The following MYH4 variants were observed in gnomAD, a reference collection of about 807,000 sequenced individuals.
MYH4 encodes the protein myosin-4.
Under a neutral mutation model 229.9 loss-of-function variants are expected in MYH4, and 200 were observed. That is an observed-to-expected ratio of 0.87 (90% confidence interval 0.78 to 0.98). MYH4 has a LOEUF of 0.98. Among genes scored for constraint, MYH4 ranks in the 50% least tolerant of loss-of-function variants. The pLI is 0.00. For synonymous variants in MYH4, 761 were observed against 834.6 expected (o/e 0.91, Z 1.52); for missense variants, 2,148 against 2,332.6 (o/e 0.92, Z 1.63).
rs1248808697 is a variant in MYH4 at position 10,452,460 on chromosome 17, G to A, written c.3304C>T (p.Gln1102Ter). ...SNLQGKIEDEQALAIQLQKKI... is the reference protein window; with the variant it reads ...SNLQGKIEDE ...TTTTGTAGCTGTATTGCAAGGGCTT[G>A]TTCATCTTCAATCTTGCCTTGCAGA... The change falls in exon 26 of 40, where the codon CAA becomes TAA. Residue 1102 changes from glutamine to a stop codon, truncating the protein, a stop_gained. Coordinates refer to ENST00000255381, the MANE Select transcript of MYH4 (RefSeq NM_017533.2). LOFTEE classifies it high-confidence loss of function. 5 of 1,614,112 alleles carry A rather than the reference G, an allele frequency of 3.1e-6. No individual in the cohort carries two copies. The highest frequency in any genetic ancestry group is 4.2e-6 in the Non-Finnish European group (5 of 1,180,014).
At position 10,443,330 on chromosome 17, in the gene MYH4, C is replaced by T. The variant is rs376895257; in HGVS notation, c.*45G>A. 5.0e-6 allele frequency: 8 copies of T among 1,597,800 alleles called. No homozygotes were observed. Among genetic ancestry groups the T allele is most frequent in the Non-Finnish European group, 4.3e-6 (5 of 1,167,968 alleles). On this transcript the variant is annotated 3_prime_UTR_variant, in exon 40 of 40. Coordinates refer to ENST00000255381, the MANE Select transcript of MYH4 (RefSeq NM_017533.2). The surrounding 1 kb of genome is among the most constrained non-coding windows in gnomAD (Gnocchi z 4.6). ...TACAGGACAGTGACAAAGAACTTCA[C>T]ATTTCGTGCATTTCTTTGGTCACAT...
intron 27 of MYH4, 85 bp from the exon 28 acceptor site, chr17:10,451,537 A>G (rs2072573620): frequency 7.1e-7 from 1 of 1,416,814 alleles, no homozygotes; most frequent in African/African-American, 1.4e-5. Context: ...TACCTGTGGA[A>G]AGGGGCTGAT....
At position 10,454,129 on chromosome 17, in the gene MYH4, T is replaced by C. The variant is rs528789811; in HGVS notation, c.2692-244A>G. ...AGGAAAACTAGCCCTTTGGCAAAAA[T>C]CTGCCACTTTACTAACCTTTGCAAC... On this transcript the variant is annotated intron_variant, in intron 22 of 39. Transcript: ENST00000255381. Among the ~76,000 whole-genome samples the C allele has an allele frequency of 5.9e-5, 9 of 152,374 alleles. No homozygotes were observed. In the South Asian group the frequency reaches 1.7e-3, roughly 28 times the overall value.
rs368302730 is a variant in MYH4, at chr17:10,445,389, G to GAAGCA, written c.5170-32_5170-28dup. The GAAGCA allele has an allele frequency of 3.9e-6, 6 of 1,526,238 alleles. No homozygotes were observed. In the Admixed American group the frequency reaches 6.0e-5, roughly 15 times the overall value. The allele number at this position is 1,526,238 out of a possible 1,614,324, so 94.5% of individuals were successfully genotyped here. ...TGTTTCAAATTAATGAAAGAGAAGAGAAGCACATTTACTTATAACAACTCA... is the reference window on the plus strand; with the variant it reads ...TGTTTCAAATTAATGAAAGAGAAGAGAAGCAAAGCACATTTACTTATAACAACTCA... On this transcript the variant is annotated intron_variant, in intron 35 of 39. Transcript: ENST00000255381.
At chr17:10,465,665 A>C (rs1309329182) in intron 4 of MYH4, 67 bp from the exon 5 acceptor site, 1 of 1,594,010 alleles carries the variant, frequency 6.3e-7, no homozygotes, top group African/African-American at 1.3e-5. Flanking sequence ...AATACTGTTT[A>C]AGGGCAAGTA....
chr17:10,447,741 C>T (rs1417868333), intron 34 of MYH4, 77 bp downstream of exon 34: 1 of 1,364,874 alleles, frequency 7.3e-7, no homozygotes, highest in African/African-American at 1.5e-5. Flanking sequence ...GACACATAGT[C>T]CTCGTAAAAC....
Position 10,453,257 on chromosome 17 carries a change from A to C in MYH4, c.3006T>G (p.Ala1002=). ...GGGTCTGCTGGTGGGCCTCCTGGAG[A>C]GCCTTCTTCTCCTTGGTCAGCTTAG... ...TIAKLTKEKK[A]LQEAHQQTLD... The change falls in exon 24 of 40, where the codon GCT becomes GCG. Residue 1002 remains alanine (A), a synonymous_variant. Coordinates refer to ENST00000255381, the MANE Select transcript of MYH4 (RefSeq NM_017533.2). 6.2e-7 allele frequency: 1 copy of C among 1,613,896 alleles called. No individual in the cohort carries two copies. Among genetic ancestry groups the C allele is most frequent in the Non-Finnish European group, 8.5e-7 (1 of 1,179,988 alleles).
At chr17:10,455,402 C>T (rs1215725293) in intron 19 of MYH4, 107 bp from the exon 20 acceptor site, 2 of 1,363,796 alleles carry the variant, frequency 1.5e-6, no homozygotes, top group Non-Finnish European at 2.0e-6. Flanking sequence ...TTTTGGTGAA[C>T]AAAATGCCAT....
In MYH4 at chr17:10,455,059, G is replaced by C; in HGVS notation, c.2317C>G (p.Leu773Val). 1 of 1,614,114 alleles carries C rather than the reference G, an allele frequency of 6.2e-7. No individual in the cohort carries two copies. Among genetic ancestry groups the C allele is most frequent in the Non-Finnish European group, 8.5e-7 (1 of 1,180,034 alleles). The change falls in exon 21 of 40, where the codon CTG becomes GTG. Residue 773 changes from leucine (L) to valine (V), a missense_variant. By Grantham distance (32) the Leu-to-Val change is conservative. Coordinates refer to ENST00000255381, the MANE Select transcript of MYH4 (RefSeq NM_017533.2). ...GHTKVFFKAG[L>V]LGTLEEMRDE... The stretch of plus-strand genomic sequence containing the variant: ...CGCATTTCCTCTAGAGTTCCCAGCA[G>C]GCCAGCTTTGAAGAAAACCTTATGA...
In MYH4 at chr17:10,453,897, A is replaced by T. The variant is rs1198201494; in HGVS notation, c.2692-12T>A. On this transcript the variant is annotated splice_polypyrimidine_tract_variant and intron_variant, in intron 22 of 39. Transcript: ENST00000255381. ...AAGGCATCTGCTTCCTAAAGGGAGA[A>T]ATTAAGCATTTTCATTTGTCTGAGC... is the stretch of plus-strand genomic sequence containing the variant. The T allele has an allele frequency of 6.2e-7, 1 of 1,613,414 alleles. No individual in the cohort carries two copies. Among genetic ancestry groups the T allele is most frequent in the Admixed American group, 1.7e-5 (1 of 59,916 alleles).
At position 10,452,255 on chromosome 17, in the gene MYH4, C is replaced by T; in HGVS notation, c.3424G>A (p.Asp1142Asn). ...ATCTCCTCCAGCTCCCGGGAGAGGT[C>T]AGAGCGCTGCTTCTCTGCTTTGGCC... The part of the protein sequence containing the change: ...SRAKAEKQRS[D>N]LSRELEEISE... Residue 1142 changes from aspartate to asparagine, a missense_variant, in exon 27 of 40, where the codon GAC (aspartate) becomes AAC (asparagine). Physicochemically the swap from Asp to Asn is conservative, Grantham distance 23. Transcript: ENST00000255381. 1.2e-6 allele frequency: 2 copies of T among 1,613,990 alleles called. No homozygotes were observed. The highest frequency in any genetic ancestry group is 1.7e-6 in the Non-Finnish European group (2 of 1,180,014).
At position 10,454,608 on chromosome 17, in the gene MYH4, T is replaced by C. The variant is rs2142219593; in HGVS notation, c.2638A>G (p.Lys880Glu). The stretch of plus-strand genomic sequence containing the variant: ...TTCTCTTGCATTAGCGTCACCATCT[T>C]TTCTTCTAGTTCTTTCCTTTTTGCC... ...TEAKRKELEE[K>E]MVTLMQEKND... The change falls in exon 22 of 40, where the codon AAG becomes GAG. Residue 880 changes from lysine to glutamate, a missense_variant. Physicochemically the swap from Lys to Glu is moderately conservative, Grantham distance 56. Transcript: ENST00000255381. The C allele has an allele frequency of 6.2e-7, 1 of 1,614,150 alleles. No individual in the cohort carries two copies. Among genetic ancestry groups the C allele is most frequent in the South Asian group, 1.1e-5 (1 of 91,082 alleles).
At position 10,448,713 on chromosome 17, in the gene MYH4, C is replaced by T. The variant is rs1488567340; in HGVS notation, c.4436G>A (p.Arg1479His). 24 of 1,614,118 alleles carry T rather than the reference C, an allele frequency of 1.5e-5. No homozygotes were observed. The highest frequency in any genetic ancestry group is 1.6e-4 in the Middle Eastern group (1 of 6,062). ...CTTGAACAGCTCAGTGCTGAGAGAA[C>T]GCGACTCCTTCTGGGAGGCCTCAAG... ...AELEASQKESRSLSTELFKVK... is the reference protein window; with the variant it reads ...AELEASQKESHSLSTELFKVK... The change falls in exon 32 of 40, where the codon CGT becomes CAT. Residue 1479 changes from arginine (R) to histidine (H), a missense_variant. Transcript: ENST00000255381.
chr17:10,449,723 C>T (rs890249009), intron 30 of MYH4, among the ~76,000 whole-genome samples: 4 of 152,276 alleles, frequency 2.6e-5, no homozygotes, highest in Middle Eastern at 3.4e-3. Flanking sequence ...TGCATTATTG[C>T]ATTTCCCAAA....
rs771146181 is a variant in MYH4, at chr17:10,443,554, A to T, written c.5668-27T>A. ...TGAGAACAGAGATGCATTTGAGATA[A>T]CAAGAAAATTGGACATTTCCTGATT... On this transcript the variant is annotated intron_variant, in intron 39 of 39. Transcript: ENST00000255381. The surrounding 1 kb of genome is among the most constrained non-coding windows in gnomAD (Gnocchi z 4.6). The T allele has an allele frequency of 6.3e-7, 1 of 1,590,992 alleles. No homozygotes were observed. Among genetic ancestry groups the T allele is most frequent in the Non-Finnish European group, 8.6e-7 (1 of 1,166,744 alleles).
At chr17:10,449,649 G>A (rs1475749991) in intron 30 of MYH4, among the ~76,000 whole-genome samples, 2 of 152,304 alleles carry the variant, frequency 1.3e-5, no homozygotes, top group African/African-American at 4.8e-5. Context: ...AGAGTGATAT[G>A]TTCAAGGTCA....
At position 10,452,726 on chromosome 17, in the gene MYH4, GTA is replaced by G. The variant is rs1275218791; in HGVS notation, c.3257+59_3257+60del. On this transcript the variant is annotated intron_variant, in intron 25 of 39. Coordinates refer to ENST00000255381, the MANE Select transcript of MYH4 (RefSeq NM_017533.2). ...GTAACATTTTGGAGATCTTTTTAGC[GTA>G]TGTTTCATTTGCATTGACATACAAC... 3 of 1,509,876 alleles carry G rather than the reference GTA, an allele frequency of 2.0e-6. No homozygotes were observed. In the East Asian group the frequency reaches 6.8e-5, roughly 34 times the overall value. The allele number at this position is 1,509,876 out of a possible 1,614,324, so 93.5% of individuals were successfully genotyped here. A position where few individuals can be genotyped will look rare whatever the true frequency, so the allele number is the denominator to read the frequency against.
chr17:10,453,184 C>T lies in MYH4; in HGVS notation c.3079G>A (p.Ala1027Thr). The change falls in exon 24 of 40, where the codon GCT becomes ACT. Residue 1027 changes from alanine (A) to threonine (T), a missense_variant. Physicochemically the swap from Ala to Thr is moderately conservative, Grantham distance 58. Transcript: ENST00000255381. ...EEDKVNTLTKAKTKLEQQVDD... is the reference protein window; with the variant it reads ...EEDKVNTLTKTKTKLEQQVDD... ...ACTTGCTGTTCTAGCTTGGTTTTAG[C>T]TTTGGTCAGGGTGTTGACTTTGTCC... 4.3e-6 allele frequency: 7 copies of T among 1,614,080 alleles called. No individual in the cohort carries two copies. Among genetic ancestry groups the T allele is most frequent in the Non-Finnish European group, 5.9e-6 (7 of 1,180,018 alleles).
Position 10,448,682 on chromosome 17 carries a change from C to A in MYH4, c.4467G>T (p.Lys1489Asn), listed in dbSNP as rs1034005401. The change falls in exon 32 of 40, where the codon AAG (lysine) becomes AAT (asparagine). Residue 1489 changes from lysine (K) to asparagine (N), a missense_variant. Transcript: ENST00000255381. ...RSLSTELFKV[K>N]NAYEESLDHL... ...GATCCAGGGATTCCTCGTAGGCATT[C>A]TTCACCTTGAACAGCTCAGTGCTGA... The A allele has an allele frequency of 4.3e-6, 7 of 1,614,024 alleles. No individual in the cohort carries two copies. The highest frequency in any genetic ancestry group is 3.3e-5 in the Admixed American group (2 of 60,000).
Sources: allele counts gnomAD v4.1 joint callset (sites outside exome capture counted in the v4.1 genomes callset), GRCh38; gene constraint gnomAD v4.1.1; non-coding constraint Gnocchi (gnomAD v3.1); transcripts MANE v1.5; gene names NCBI Gene and HGNC (gene_info 2026-07-23, HGNC 2026-07-21).